Variants in MEGF10 observed in about 807,000 individuals in gnomAD.
MEGF10 encodes the protein multiple EGF like domains 10, also known as multiple epidermal growth factor-like domains protein 10.
Under a neutral mutation model 147.5 loss-of-function variants are expected in MEGF10, and 86 were observed. The observed-to-expected ratio is 0.58, with a 90% CI of 0.49 to 0.70. The LOEUF (loss-of-function observed/expected upper bound fraction) is 0.70, where lower values mean the gene tolerates loss of function less well. Among genes scored for constraint, MEGF10 ranks in the 30% least tolerant of loss-of-function variants. MEGF10 has a pLI of 0.00. For missense variants in MEGF10, 1,329 were observed against 1,487.3 expected (o/e 0.89, Z 1.75); for synonymous variants, 478 against 525.5 (o/e 0.91, Z 1.24).
intron 9 of MEGF10, among the ~76,000 whole-genome samples, chr5:127,412,063 A>G (rs1764590478): frequency 6.6e-6 from 1 of 152,278 alleles, no homozygotes; most frequent in African/African-American, 2.4e-5. Flanking sequence ...GTGGAGAATT[A>G]GTTAATTGAT....
In MEGF10 at chr5:127,454,590, A is replaced by C. The variant is rs566716623; in HGVS notation, c.3005A>C (p.Tyr1002Ser). Residue 1002 changes from tyrosine (Y) to serine (S), a missense_variant, in exon 23 of 25, where the codon TAT becomes TCT. By Grantham distance (144) the Tyr-to-Ser change is moderately radical. Coordinates refer to ENST00000503335, the MANE Select transcript of MEGF10 (RefSeq NM_001256545.2). ...GGTGCTTTTGGACTTGACAGAAGCTATATGGGAAAATCCTTAAAAGGTATC... is the reference window on the plus strand; with the variant it reads ...GGTGCTTTTGGACTTGACAGAAGCTCTATGGGAAAATCCTTAAAAGGTATC... ...ELGAFGLDRS[Y>S]MGKSLKDLGK... 6.2e-7 allele frequency: 1 copy of C among 1,608,804 alleles called. No individual in the cohort carries two copies. The highest frequency in any genetic ancestry group is 1.1e-5 in the South Asian group (1 of 89,514).
chr5:127,447,277 G>A (rs1322325243), intron 20 of MEGF10, among the ~76,000 whole-genome samples: 1 of 152,162 alleles, frequency 6.6e-6, no homozygotes, highest in Non-Finnish European at 1.5e-5. Context: ...CGGGGTTCAA[G>A]CGATTCTTCT....
At chr5:127,273,320 G>T in the MEGF10 span, among the ~76,000 whole-genome samples, 1 of 152,140 alleles carries the variant, frequency 6.6e-6, no homozygotes, top group East Asian at 1.9e-4. Context: ...GTTGCTCTTG[G>T]GTGGGCTATT....
intron 4 of MEGF10, among the ~76,000 whole-genome samples, chr5:127,360,030 T>G (rs1377598832): frequency 6.6e-6 from 1 of 152,100 alleles, no homozygotes; most frequent in Non-Finnish European, 1.5e-5. Flanking sequence ...GATATCTTAT[T>G]AATAGAGTCA....
chr5:127,440,806 C>T lies in MEGF10; in HGVS notation c.2301C>T (p.Cys767=), dbSNP rs387907071. Reference sequence around the variant, plus strand: ...GCCAATGTCAAAACGGAGCTGACTGCGACCACATTTCTGGGCAGTGTACTT... The same window carrying T: ...GCCAATGTCAAAACGGAGCTGACTGTGACCACATTTCTGGGCAGTGTACTT... The part of the protein sequence containing the change: ...LICQCQNGAD[C]DHISGQCTCR... The change falls in exon 18 of 25, where the codon TGC becomes TGT. Residue 767 remains cysteine (C), a synonymous_variant. Transcript: ENST00000503335. The T allele has an allele frequency of 2.2e-5, 35 of 1,613,974 alleles. No homozygotes were observed. The highest frequency in any genetic ancestry group is 1.3e-4 in the East Asian group (6 of 44,892).
the MEGF10 span, among the ~76,000 whole-genome samples, chr5:127,258,860 A>T: frequency 1.3e-5 from 2 of 152,172 alleles, no homozygotes; most frequent in African/African-American, 2.4e-5. Flanking sequence ...AACTTTGAGA[A>T]ATAAATTTCT....
rs1763322618 is a variant in MEGF10, at chr5:127,383,349, T to A, written c.413-13183T>A. On this transcript the variant is annotated intron_variant, in intron 5 of 24. Coordinates refer to ENST00000503335, the MANE Select transcript of MEGF10 (RefSeq NM_001256545.2). ...TTTATCATTATTAATCAGCTTATAG[T>A]CCTAGCTACCAAGCAGGCTGAGGTG... Among the ~76,000 whole-genome samples, 3 of 152,068 alleles carry A rather than the reference T, an allele frequency of 2.0e-5. No individual in the cohort carries two copies. In the South Asian group the frequency reaches 6.2e-4, roughly 32 times the overall value.
At chr5:127,268,123 T>G in the MEGF10 span, among the ~76,000 whole-genome samples, 1 of 152,154 alleles carries the variant, frequency 6.6e-6, no homozygotes, top group Non-Finnish European at 1.5e-5. Context: ...TGTTGTGTCT[T>G]TGTTCTCATT....
chr5:127,356,664 G>A (rs1762291163), intron 4 of MEGF10, among the ~76,000 whole-genome samples: 1 of 152,234 alleles, frequency 6.6e-6, no homozygotes, highest in Admixed American at 6.5e-5. Context: ...ATGCCACCAT[G>A]AATGAAACAT....
At chr5:127,415,165 G>A (rs1278295751) in intron 9 of MEGF10, among the ~76,000 whole-genome samples, 1 of 152,194 alleles carries the variant, frequency 6.6e-6, no homozygotes, top group Non-Finnish European at 1.5e-5. Flanking sequence ...AAGAGGTTGA[G>A]GAGTAGGCAG....
At chr5:127,442,846 G>C (rs962528983) in intron 18 of MEGF10, 152 bp from the exon 19 acceptor site, 2 of 695,292 alleles carry the variant, frequency 2.9e-6, no homozygotes, top group African/African-American at 3.6e-5. Flanking sequence ...CAGGAATGCT[G>C]TCCAGTTCTG....
rs114406682 is a variant in MEGF10, at chr5:127,330,445, C to T, written c.-18-846C>T. Among the ~76,000 whole-genome samples, 363 of 152,288 alleles carry T rather than the reference C, an allele frequency of 2.4e-3. 1 individual carries two copies. Among genetic ancestry groups the T allele is most frequent in the African/African-American group, 8.4e-3 (350 of 41,562 alleles). ...AATTAACTTGAACTCCCTAAATGCA[C>T]CTGGCCCTCCCTTACATGTGGATCC... is the stretch of plus-strand genomic sequence containing the variant. On this transcript the variant is annotated intron_variant, in intron 1 of 24. Transcript: ENST00000503335.
intron 12 of MEGF10, among the ~76,000 whole-genome samples, chr5:127,421,315 G>A (rs1295688699): frequency 6.6e-6 from 1 of 152,048 alleles, no homozygotes; most frequent in Non-Finnish European, 1.5e-5. Context: ...ACATTGGTGG[G>A]GTCTACAAAA....
At chr5:127,383,696 C>T (rs908359815) in intron 5 of MEGF10, among the ~76,000 whole-genome samples, 4 of 150,354 alleles carry the variant, frequency 2.7e-5, no homozygotes, top group African/African-American at 9.8e-5. Context: ...GAACCAGGCA[C>T]AAAGGAGTCA....
chr5:127,391,535 A>G (rs1338112570), intron 5 of MEGF10, among the ~76,000 whole-genome samples: 2 of 150,726 alleles, frequency 1.3e-5, no homozygotes, highest in Non-Finnish European at 2.9e-5. Flanking sequence ...GCACCACTGC[A>G]CTCCAGCCTG....
Position 127,419,251 on chromosome 5 carries a change from G to A in MEGF10, c.1426+11G>A. The A allele has an allele frequency of 6.2e-7, 1 of 1,608,334 alleles. No individual in the cohort carries two copies. Among genetic ancestry groups the A allele is most frequent in the Non-Finnish European group, 8.5e-7 (1 of 1,178,558 alleles). ...GTACTTGCAAGGCAGGTAAGAATGGGTAAATAAGTCTTTAATTTGATCCTG... is the reference window on the plus strand; with the variant it reads ...GTACTTGCAAGGCAGGTAAGAATGGATAAATAAGTCTTTAATTTGATCCTG... On this transcript the variant is annotated intron_variant, in intron 11 of 24. Coordinates refer to ENST00000503335, the MANE Select transcript of MEGF10 (RefSeq NM_001256545.2).
intron 4 of MEGF10, among the ~76,000 whole-genome samples, chr5:127,354,157 A>G (rs1005136611): frequency 6.6e-6 from 1 of 152,198 alleles, no homozygotes; most frequent in African/African-American, 2.4e-5. Flanking sequence ...TGGTGTCTAT[A>G]TGAAAAATAG....
intron 1 of MEGF10, among the ~76,000 whole-genome samples, chr5:127,309,860 A>G (rs779609307): frequency 7.2e-5 from 11 of 152,106 alleles, no homozygotes; most frequent in East Asian, 3.9e-4. Flanking sequence ...TTGAGGAATC[A>G]CCATACTGTT....
the MEGF10 span, chr5:127,229,653 C>T: frequency 6.6e-6 from 1 of 152,446 alleles, no homozygotes; most frequent in Non-Finnish European, 1.5e-5. Flanking sequence ...AGCAGGAAAC[C>T]CGGGCAAGCT....
Sources: gnomAD v4.1 joint callset for allele counts (sites outside exome capture counted in the v4.1 genomes callset) on GRCh38, gnomAD v4.1.1 for gene constraint, MANE v1.5 for transcripts, NCBI Gene and HGNC (gene_info 2026-07-23, HGNC 2026-07-21) for gene names.